Variants in PLXNA4 observed in about 807,000 individuals in gnomAD.
PLXNA4 encodes the protein plexin-A4.
In PLXNA4, 44 loss-of-function variants were observed where a neutral mutation model predicts 191.8. The observed-to-expected ratio is 0.23, with a 90% confidence interval of 0.18 to 0.29. The LOEUF is 0.29. Among genes scored for constraint, PLXNA4 ranks in the 10% least tolerant of loss-of-function variants. The pLI is 1.00. For synonymous variants in PLXNA4, 1,082 were observed against 1,009.5 expected (o/e 1.07, Z -1.36); for missense variants, 1,800 against 2,488.8 (o/e 0.72, Z 5.89).
intron 3 of PLXNA4, among the ~76,000 whole-genome samples, chr7:132,324,114 C>G (rs1327420234): frequency 6.6e-6 from 1 of 152,006 alleles, no homozygotes; most frequent in Non-Finnish European, 1.5e-5. Flanking sequence ...GAACTGCAGA[C>G]AAGGATGTTG....
In PLXNA4 at chr7:132,168,515, T is replaced by G. The variant is rs770717727; in HGVS notation, c.4075A>C (p.Ile1359Leu). The G allele has an allele frequency of 6.2e-7, 1 of 1,612,594 alleles. No homozygotes were observed. Among genetic ancestry groups the G allele is most frequent in the Non-Finnish European group, 8.5e-7 (1 of 1,179,058 alleles). Residue 1359 changes from isoleucine to leucine, a missense_variant, in exon 22 of 32, where the codon ATC becomes CTC. By Grantham distance (5) the Ile-to-Leu change is conservative (BLOSUM62 2). Around this residue, in one of 6 missense-constraint regions of PLXNA4, gnomAD observed 1,397 missense variants for 1,880.4 expected, o/e 0.74. Transcript: ENST00000321063. ...EKGLKLFAQL[I>L]NNKVFLLSFI... ...GACAGCAGGAACACCTTGTTGTTGATGAGCTGGGCGAAGAGCTTCAGGCCT... is the reference window on the plus strand; with the variant it reads ...GACAGCAGGAACACCTTGTTGTTGAGGAGCTGGGCGAAGAGCTTCAGGCCT...
intron 1 of PLXNA4, among the ~76,000 whole-genome samples, chr7:132,516,862 G>A (rs1178046908): frequency 1.3e-5 from 2 of 152,230 alleles, no homozygotes; most frequent in East Asian, 3.9e-4. Context: ...GCTGAGGCAG[G>A]AGAATCACTT....
At chr7:132,478,910 T>A (rs1271767922) in intron 3 of PLXNA4, among the ~76,000 whole-genome samples, 1 of 152,080 alleles carries the variant, frequency 6.6e-6, no homozygotes, top group Non-Finnish European at 1.5e-5. Context: ...CCTTCCAACC[T>A]CCTTGCCACC....
intron 3 of PLXNA4, among the ~76,000 whole-genome samples, chr7:132,459,348 C>A (rs1221293338): frequency 2.0e-5 from 3 of 152,220 alleles, no homozygotes; most frequent in Non-Finnish European, 2.9e-5. Context: ...GGGAAACGAT[C>A]TCCCACCCCT....
At chr7:132,275,865 G>C (rs10488375) in intron 4 of PLXNA4, among the ~76,000 whole-genome samples, 5,908 of 152,202 alleles carry the variant, frequency 0.039, 182 homozygotes, top group Middle Eastern at 0.065. Flanking sequence ...ACTATATTTT[G>C]TTATTTGCAT....
chr7:132,254,569 C>T (rs1239562920), intron 4 of PLXNA4, among the ~76,000 whole-genome samples: 13 of 152,320 alleles, frequency 8.5e-5, no homozygotes, highest in South Asian at 4.1e-4. Context: ...TGCTCAGCAA[C>T]GTCCCTTCTT....
At chr7:132,281,038 T>C (rs1290186421) in intron 4 of PLXNA4, among the ~76,000 whole-genome samples, 1 of 152,162 alleles carries the variant, frequency 6.6e-6, no homozygotes, top group Non-Finnish European at 1.5e-5. Flanking sequence ...AAATAGCATC[T>C]TGTATTTGAT....
chr7:132,141,861 C>T (rs781428094), intron 29 of PLXNA4, among the ~76,000 whole-genome samples: 4 of 152,148 alleles, frequency 2.6e-5, no homozygotes, highest in Non-Finnish European at 4.4e-5. Context: ...TCCTGAGTAG[C>T]TGGGACTACA....
intron 16 of PLXNA4, among the ~76,000 whole-genome samples, chr7:132,184,328 A>T (rs1271113885): frequency 3.3e-5 from 5 of 152,208 alleles, no homozygotes; most frequent in African/African-American, 1.2e-4. Flanking sequence ...CAGGCAGGTG[A>T]GAACTGTTAA....
At chr7:132,350,582 A>C (rs1467518480) in intron 3 of PLXNA4, among the ~76,000 whole-genome samples, 1 of 152,232 alleles carries the variant, frequency 6.6e-6, no homozygotes. Flanking sequence ...AGCGTCAATG[A>C]GCAGGAGATG....
intron 20 of PLXNA4, among the ~76,000 whole-genome samples, chr7:132,176,417 CTGAG>C (rs1468955012): frequency 2.0e-5 from 3 of 152,140 alleles, no homozygotes; most frequent in Admixed American, 6.5e-5. Context: ...CATGTGTGTC[CTGAG>C]TGAGGAACAT....
intron 3 of PLXNA4, among the ~76,000 whole-genome samples, chr7:132,469,913 C>T (rs532158492): frequency 2.0e-5 from 3 of 152,308 alleles, no homozygotes; most frequent in East Asian, 1.9e-4. Context: ...CAACCAAGGT[C>T]GGTGGTGACT....
chr7:132,564,947 C>T (rs985500951), intron 1 of PLXNA4, among the ~76,000 whole-genome samples: 1 of 152,120 alleles, frequency 6.6e-6, no homozygotes, highest in Non-Finnish European at 1.5e-5. Flanking sequence ...ATCCCTGCTG[C>T]ATTCTCCTTT....
At chr7:132,593,732 G>A (rs748358500) in intron 2 of PLXNA4, among the ~76,000 whole-genome samples, 5 of 152,232 alleles carry the variant, frequency 3.3e-5, no homozygotes, top group Non-Finnish European at 5.9e-5. Context: ...ACAGGAGAAA[G>A]AGGGTCTGCC....
At chr7:132,357,916 G>A (rs1803776966) in intron 3 of PLXNA4, among the ~76,000 whole-genome samples, 1 of 152,214 alleles carries the variant, frequency 6.6e-6, no homozygotes, top group Non-Finnish European at 1.5e-5. Context: ...GAAGGATTTT[G>A]TTAGGCCAAA....
chr7:132,212,275 A>T (rs1406231361), intron 9 of PLXNA4, among the ~76,000 whole-genome samples: 1 of 152,086 alleles, frequency 6.6e-6, no homozygotes, highest in Non-Finnish European at 1.5e-5. Context: ...GCACCTTAAC[A>T]CTTGTCCTCA....
At position 132,129,717 on chromosome 7, in the gene PLXNA4, C is replaced by T. The variant is rs1302178606; in HGVS notation, c.*762G>A. On this transcript the variant is annotated 3_prime_UTR_variant, in exon 32 of 32. Transcript: ENST00000321063. ...ATTCAGATGAAAAGGTCAGGAGCAT[C>T]TCCATGGTGGAATGTAATTGCTATT... 1 of 152,676 alleles carries T rather than the reference C, an allele frequency of 6.5e-6. No individual in the cohort carries two copies. The highest frequency in any genetic ancestry group is 1.5e-5 in the Non-Finnish European group (1 of 68,058). 9.5% of individuals were successfully genotyped at this position (152,676 alleles called of 1,614,324 possible).
chr7:132,325,572 A>T (rs1271395344), intron 3 of PLXNA4, among the ~76,000 whole-genome samples: 3 of 151,854 alleles, frequency 2.0e-5, no homozygotes, highest in Non-Finnish European at 4.4e-5. Context: ...GGAAAATGCC[A>T]TGTGGCCGAT....
intron 3 of PLXNA4, among the ~76,000 whole-genome samples, chr7:132,487,779 G>A (rs996677869): frequency 6.6e-6 from 1 of 152,138 alleles, no homozygotes; most frequent in African/African-American, 2.4e-5. Flanking sequence ...GGGATAACAT[G>A]CCCATGTCTC....
Sources: gnomAD v4.1 joint callset for allele counts (sites outside exome capture counted in the v4.1 genomes callset) on GRCh38, gnomAD v4.1.1 for gene constraint, gnomAD v4.1.1 regional missense constraint, MANE v1.5 for transcripts, NCBI Gene and HGNC (gene_info 2026-07-23, HGNC 2026-07-21) for gene names.